Variants in DDX10 observed in about 807,000 individuals in gnomAD.
The protein encoded by DDX10 is DEAD-box helicase 10.
Under a neutral mutation model 104.3 loss-of-function variants are expected in DDX10, and 74 were observed. The ratio of observed to expected loss-of-function variants is 0.71; its 90% confidence interval spans 0.59 to 0.86. The LOEUF (loss-of-function observed/expected upper bound fraction) is 0.86, where lower values mean the gene tolerates loss of function less well. Ranked by LOEUF, DDX10 falls within the 40% of genes least tolerant of loss-of-function variation. The probability of loss-of-function intolerance (pLI) is 0.00; values close to 1 mark genes in which losing one functional copy is unlikely to be tolerated. For synonymous variants in DDX10, 351 were observed against 353.4 expected, an observed-to-expected ratio of 0.99 and a Z score of 0.08; for missense variants, 952 against 1,040.0, an observed-to-expected ratio of 0.92 and a Z score of 1.16.
At chr11:108,766,318 C>T (rs183358433) in intron 13 of DDX10, among the ~76,000 whole-genome samples, 5 of 152,130 alleles carry the variant, frequency 3.3e-5, no homozygotes, top group African/African-American at 1.2e-4. Context: ...AATGTCTTAC[C>T]TGTAACTTTG....
At chr11:108,911,435 GTTC>G (rs1300574102) in intron 16 of DDX10, among the ~76,000 whole-genome samples, 2 of 151,692 alleles carry the variant, frequency 1.3e-5, no homozygotes, top group Non-Finnish European at 2.9e-5. Context: ...TTCTTGCTGT[GTTC>G]TTCACGTGAT....
chr11:108,937,714 A>G (rs1356816036), intron 17 of DDX10, among the ~76,000 whole-genome samples: 1 of 152,216 alleles, frequency 6.6e-6, no homozygotes, highest in Non-Finnish European at 1.5e-5. Flanking sequence ...CACACCAGAC[A>G]TTACTAATAA....
At chr11:108,800,427 A>C (rs1862003948) in intron 13 of DDX10, among the ~76,000 whole-genome samples, 1 of 129,036 alleles carries the variant, frequency 7.7e-6, no homozygotes, top group Admixed American at 9.1e-5. Context: ...CCTGGGCGAC[A>C]GAGCGAGACT....
At chr11:108,744,331 C>G (rs2094328820) in intron 13 of DDX10, among the ~76,000 whole-genome samples, 1 of 152,066 alleles carries the variant, frequency 6.6e-6, no homozygotes, top group South Asian at 2.1e-4. Flanking sequence ...ATTTATGTCC[C>G]TCGTTTCTCA....
intron 13 of DDX10, among the ~76,000 whole-genome samples, chr11:108,740,015 A>G (rs1234539929): frequency 3.5e-5 from 5 of 141,718 alleles, no homozygotes; most frequent in African/African-American, 1.3e-4. Flanking sequence ...GTTTAGTGGT[A>G]TATGTGCAGA....
At chr11:108,773,453 A>G (rs768339791) in intron 13 of DDX10, among the ~76,000 whole-genome samples, 2 of 152,210 alleles carry the variant, frequency 1.3e-5, no homozygotes, top group Non-Finnish European at 1.5e-5. Context: ...TGGAAATAAT[A>G]AATTTTTTTA....
chr11:108,901,618 A>G (rs769698742), intron 16 of DDX10, among the ~76,000 whole-genome samples: 3 of 152,206 alleles, frequency 2.0e-5, no homozygotes, highest in African/African-American at 2.4e-5. Context: ...TGCTCCAAAT[A>G]AACTGCAAGC....
chr11:108,911,115 A>G (rs1202624897), intron 16 of DDX10, among the ~76,000 whole-genome samples: 1 of 152,156 alleles, frequency 6.6e-6, no homozygotes, highest in East Asian at 1.9e-4. Context: ...TTTAATGCTT[A>G]TGTGGGTAAC....
At chr11:108,673,866 A>G (rs1043374470) in intron 2 of DDX10, among the ~76,000 whole-genome samples, 2 of 152,226 alleles carry the variant, frequency 1.3e-5, no homozygotes, top group Non-Finnish European at 2.9e-5. Flanking sequence ...CTTAAACAAC[A>G]GAGACTGATT....
intron 13 of DDX10, among the ~76,000 whole-genome samples, chr11:108,785,361 C>T (rs1380041143): frequency 6.6e-6 from 1 of 152,034 alleles, no homozygotes; most frequent in African/African-American, 2.4e-5. Flanking sequence ...CTTCTATGTT[C>T]ATGAGAAATA....
At chr11:108,834,666 G>A (rs1300651477) in intron 13 of DDX10, among the ~76,000 whole-genome samples, 1 of 152,014 alleles carries the variant, frequency 6.6e-6, no homozygotes, top group Admixed American at 6.5e-5. Flanking sequence ...CATTGCTTCT[G>A]TCTTTAGATG....
intron 13 of DDX10, among the ~76,000 whole-genome samples, chr11:108,832,811 A>G (rs1862490604): frequency 6.6e-6 from 1 of 152,196 alleles, no homozygotes; most frequent in African/African-American, 2.4e-5. Context: ...CTGGATATAT[A>G]AAAGCACATG....
rs568705107 is a variant in DDX10, at chr11:108,725,943, T to G, written c.1965+2481T>G. 1.7e-4 allele frequency among the ~76,000 whole-genome samples: 26 copies of G among 152,146 alleles called. No individual in the cohort carries two copies. In the South Asian group the frequency reaches 3.9e-3, roughly 23 times the overall value. ...AATTTGGGCTAGGATCCTCTTCACC[T>G]TAATTTTTGTATATAATGCTAAGTA... is the stretch of plus-strand genomic sequence containing the variant. On this transcript the variant is annotated intron_variant, in intron 13 of 17. Coordinates refer to ENST00000322536, the MANE Select transcript of DDX10 (RefSeq NM_004398.4).
chr11:108,801,858 C>T (rs1361196984), intron 13 of DDX10, among the ~76,000 whole-genome samples: 1 of 151,706 alleles, frequency 6.6e-6, no homozygotes, highest in African/African-American at 2.4e-5. Context: ...TTAGGGATAA[C>T]TATTAATTCA....
At chr11:108,892,964 T>G (rs141827027) in intron 16 of DDX10, among the ~76,000 whole-genome samples, 1 of 152,286 alleles carries the variant, frequency 6.6e-6, no homozygotes, top group Non-Finnish European at 1.5e-5. Context: ...CCCTGTAAGT[T>G]CCAACTCATC....
intron 15 of DDX10, among the ~76,000 whole-genome samples, chr11:108,851,043 C>T (rs183240908): frequency 6.6e-6 from 1 of 152,162 alleles, no homozygotes; most frequent in Non-Finnish European, 1.5e-5. Context: ...CAGTAATGTG[C>T]TAATGGACAA....
chr11:108,707,679 TAAAG>T (rs1254406781), intron 10 of DDX10, among the ~76,000 whole-genome samples: 1 of 152,192 alleles, frequency 6.6e-6, no homozygotes, highest in Non-Finnish European at 1.5e-5. Context: ...AGGTGCTATA[TAAAG>T]AATGTCATTT....
At chr11:108,915,639 C>G (rs1421000348) in intron 16 of DDX10, among the ~76,000 whole-genome samples, 2 of 152,054 alleles carry the variant, frequency 1.3e-5, no homozygotes, top group African/African-American at 4.8e-5. Flanking sequence ...ATTCAAAGTG[C>G]AAGGTAGACC....
intron 15 of DDX10, among the ~76,000 whole-genome samples, chr11:108,843,018 T>C (rs1015945301): frequency 2.6e-5 from 4 of 152,250 alleles, no homozygotes; most frequent in East Asian, 3.8e-4. Context: ...TAATTTCAAA[T>C]TGGCAAATTG....
Sources: allele counts gnomAD v4.1 joint callset (sites outside exome capture counted in the v4.1 genomes callset), GRCh38; gene constraint gnomAD v4.1.1; transcripts MANE v1.5; gene names NCBI Gene and HGNC (gene_info 2026-07-23, HGNC 2026-07-21).